The following DZIP1L variants were observed in gnomAD, a reference collection of about 807,000 sequenced individuals.
DZIP1L encodes cilium assembly protein DZIP1L.
DZIP1L carries 90 observed loss-of-function variants against 88.7 expected under a neutral mutation model. The ratio of observed to expected loss-of-function variants is 1.02; its 90% CI spans 0.86 to 1.21. The LOEUF is 1.21. DZIP1L is among the 50% of genes most tolerant of loss of function. DZIP1L has a pLI of 0.00. For missense variants in DZIP1L, 932 were observed against 955.8 expected (o/e 0.98, Z 0.33); for synonymous variants, 363 against 372.1 (o/e 0.98, Z 0.28).
At chr3:138,077,090 G>A (rs577998603) in intron 11 of DZIP1L, among the ~76,000 whole-genome samples, 54 of 151,846 alleles carry the variant, frequency 3.6e-4, no homozygotes, top group Non-Finnish European at 6.9e-4. Flanking sequence ...GCCACCTGCT[G>A]AGTGGACACA....
intron 7 of DZIP1L, among the ~76,000 whole-genome samples, chr3:138,085,705 C>G (rs1212052002): frequency 6.6e-6 from 1 of 152,206 alleles, no homozygotes; most frequent in Non-Finnish European, 1.5e-5. Context: ...GTGGCGATTC[C>G]TCAGGGATCT....
chr3:138,088,835 C>G, intron 5 of DZIP1L: 1 of 1,009,194 alleles, frequency 9.9e-7, no homozygotes, highest in Non-Finnish European at 1.2e-6. Flanking sequence ...CTGGAATACA[C>G]TGATGAGAAT....
In DZIP1L at chr3:138,071,797, C is replaced by T. The variant is rs757890112; in HGVS notation, c.1461G>A (p.Leu487=). 3.7e-6 allele frequency: 6 copies of T among 1,614,092 alleles called. No homozygotes were observed. The highest frequency in any genetic ancestry group is 4.2e-6 in the Non-Finnish European group (5 of 1,180,010). ...CCCGCTGGACTCTCAGCAGGGATTC[C>T]AGGTGTCTGAGAGTCTGAATCGAGA... The part of the protein sequence containing the change: ...KGISIQTLRH[L]ESLLRVQREQ... The change falls in exon 12 of 16, where the codon CTG becomes CTA. Residue 487 remains leucine, a synonymous_variant. Transcript: ENST00000327532.
intron 2 of DZIP1L, chr3:138,101,505 G>C: frequency 1.3e-6 from 1 of 784,354 alleles, no homozygotes; most frequent in Non-Finnish European, 2.3e-6. Context: ...CAGAGGACTC[G>C]GACACCAGCT....
intron 3 of DZIP1L, among the ~76,000 whole-genome samples, chr3:138,095,314 G>A (rs143398141): frequency 1.1e-4 from 16 of 152,098 alleles, no homozygotes; most frequent in African/African-American, 3.9e-4. Flanking sequence ...ACTGACACGT[G>A]GAAATAGAAA....
chr3:138,112,960 G>A (rs2042643119), intron 1 of DZIP1L, among the ~76,000 whole-genome samples: 1 of 152,046 alleles, frequency 6.6e-6, no homozygotes, highest in South Asian at 2.1e-4. Flanking sequence ...AAAAAAGAGA[G>A]AGAAGAAATG....
chr3:138,074,043 C>T (rs1943292506), intron 11 of DZIP1L, among the ~76,000 whole-genome samples: 4 of 152,104 alleles, frequency 2.6e-5, no homozygotes, highest in Admixed American at 2.6e-4. Context: ...AACAAAGTCT[C>T]CAAGAAGCTT....
At chr3:138,085,303 A>G (rs1300228779) in intron 7 of DZIP1L, among the ~76,000 whole-genome samples, 1 of 152,216 alleles carries the variant, frequency 6.6e-6, no homozygotes, top group East Asian at 1.9e-4. Context: ...AGAAACTACC[A>G]TCAGAGTGAA....
At chr3:138,067,180 G>A (rs1942947849) in intron 14 of DZIP1L, among the ~76,000 whole-genome samples, 1 of 152,134 alleles carries the variant, frequency 6.6e-6, no homozygotes, top group Non-Finnish European at 1.5e-5. Flanking sequence ...CTAGAGCGAG[G>A]CTTTGATCTC....
intron 7 of DZIP1L, 34 bp from the exon 8 acceptor site, chr3:138,084,287 T>C (rs955902433): frequency 1.5e-5 from 24 of 1,606,668 alleles, no homozygotes; most frequent in Non-Finnish European, 2.0e-5. Context: ...CAGTCAAATG[T>C]CTGCAGGGAC....
Position 138,092,440 on chromosome 3 carries a change from TTTTAG to T in DZIP1L, c.808_812del (p.Leu270LysfsTer6). 1 of 1,607,116 alleles carries T rather than the reference TTTTAG, an allele frequency of 6.2e-7. No homozygotes were observed. The highest frequency in any genetic ancestry group is 2.2e-5 in the East Asian group (1 of 44,662). On this transcript the variant is annotated frameshift_variant, in exon 5 of 16. Transcript: ENST00000327532. LOFTEE classifies it high-confidence loss of function. ...TTTTAAATTCATCCCAAAATAATTT[TTTTAG>T]TTTATCTATTTCCCCATAAAGTTTG...
chr3:138,067,039 A>G (rs532705825), intron 14 of DZIP1L, among the ~76,000 whole-genome samples: 5 of 152,148 alleles, frequency 3.3e-5, no homozygotes, highest in Non-Finnish European at 7.4e-5. Context: ...CCCTGCACAC[A>G]AGTAAGATTG....
chr3:138,063,428 G>T lies in DZIP1L; in HGVS notation c.2143-451C>A, dbSNP rs1412991929. 1.3e-5 allele frequency among the ~76,000 whole-genome samples: 2 copies of T among 152,228 alleles called. No individual in the cohort carries two copies. The highest frequency in any genetic ancestry group is 2.9e-5 in the Non-Finnish European group (2 of 68,034). On this transcript the variant is annotated intron_variant, in intron 15 of 15. Transcript: ENST00000327532. The surrounding 1 kb of genome is among the most constrained non-coding windows in gnomAD (Gnocchi z 4.1). ...TCTGGTAAACATCCTGACTGAAGGA[G>T]CATGAGAGGAGCTTGGGAGCAACAG...
chr3:138,072,228 A>G (rs1943216237), intron 11 of DZIP1L, among the ~76,000 whole-genome samples: 1 of 152,208 alleles, frequency 6.6e-6, no homozygotes, highest in Non-Finnish European at 1.5e-5. Context: ...CACACTGTCC[A>G]TGGCTAACAA....
At chr3:138,087,542 A>G (rs1944004675) in intron 6 of DZIP1L, among the ~76,000 whole-genome samples, 1 of 152,250 alleles carries the variant, frequency 6.6e-6, no homozygotes, top group African/African-American at 2.4e-5. Flanking sequence ...GTTAATTTCC[A>G]TACATTATAC....
chr3:138,071,535 G>T, intron 12 of DZIP1L, 108 bp downstream of exon 12: 1 of 1,264,514 alleles, frequency 7.9e-7, no homozygotes, highest in Non-Finnish European at 1.1e-6. Context: ...TCAGAGAAGT[G>T]CCCCTAATGG....
At chr3:138,090,729 A>G (rs72973021) in intron 5 of DZIP1L, among the ~76,000 whole-genome samples, 3,877 of 152,270 alleles carry the variant, frequency 0.025, 155 homozygotes, top group African/African-American at 0.088. Flanking sequence ...AAAACGTGGA[A>G]TGACTGTGAA....
intron 1 of DZIP1L, among the ~76,000 whole-genome samples, chr3:138,107,657 T>C (rs1576508469): frequency 6.6e-6 from 1 of 152,196 alleles, no homozygotes; most frequent in Non-Finnish European, 1.5e-5. Context: ...TCCTAAAATA[T>C]TGCTTTGATC....
intron 6 of DZIP1L, among the ~76,000 whole-genome samples, chr3:138,087,501 A>G (rs1944002088): frequency 6.6e-6 from 1 of 152,246 alleles, no homozygotes; most frequent in Non-Finnish European, 1.5e-5. Context: ...TACTGGGGAA[A>G]ATAACCACAA....
Sources: allele counts gnomAD v4.1 joint callset (sites outside exome capture counted in the v4.1 genomes callset), GRCh38; gene constraint gnomAD v4.1.1; non-coding constraint Gnocchi (gnomAD v3.1); transcripts MANE v1.5; gene names NCBI Gene and HGNC (gene_info 2026-07-23, HGNC 2026-07-21).